The following TXNRD1 variants were observed in gnomAD, a reference collection of about 807,000 sequenced individuals.
The protein encoded by TXNRD1 is thioredoxin reductase 1.
A neutral mutation model predicts 80.3 loss-of-function variants in TXNRD1; 57 were observed. The observed-to-expected ratio is 0.71, with a 90% CI of 0.57 to 0.89. TXNRD1 has a LOEUF of 0.89. TXNRD1 is among the 40% of genes least tolerant of loss of function. TXNRD1 has a pLI of 0.00. For missense variants in TXNRD1, 730 were observed against 803.0 expected (o/e 0.91, Z 1.10); for synonymous variants, 291 against 285.2 (o/e 1.02, Z -0.20).
intron 3 of TXNRD1, among the ~76,000 whole-genome samples, chr12:104,262,803 C>A (rs148409917): frequency 6.6e-6 from 1 of 150,726 alleles, no homozygotes; most frequent in Non-Finnish European, 1.5e-5. Flanking sequence ...TTTTTCCCAG[C>A]AAATTCCTTT....
chr12:104,300,890 C>G (rs2034599465), intron 4 of TXNRD1, among the ~76,000 whole-genome samples: 1 of 152,146 alleles, frequency 6.6e-6, no homozygotes, highest in Admixed American at 6.5e-5. Context: ...AGGTGAGCCA[C>G]CCACCTCGGC....
At chr12:104,323,788 G>A (rs2035648505) in intron 10 of TXNRD1, among the ~76,000 whole-genome samples, 1 of 139,932 alleles carries the variant, frequency 7.1e-6, no homozygotes, top group Non-Finnish European at 1.6e-5. Flanking sequence ...CGGACGGGGC[G>A]GCTGGCCGGG....
intron 1 of TXNRD1, among the ~76,000 whole-genome samples, chr12:104,242,752 C>CTA (rs1451571338): frequency 6.6e-6 from 1 of 152,138 alleles, no homozygotes; most frequent in African/African-American, 2.4e-5. Flanking sequence ...TAAACCAAGA[C>CTA]TAACCCCCAC....
chr12:104,238,845 GTTTTC>G (rs2032795839), intron 1 of TXNRD1, among the ~76,000 whole-genome samples: 1 of 146,986 alleles, frequency 6.8e-6, no homozygotes, highest in Non-Finnish European at 1.5e-5. Flanking sequence ...TTGGTCTGTG[GTTTTC>G]TTTTCTTTTT....
At chr12:104,259,258 G>C (rs1174850631) in intron 3 of TXNRD1, among the ~76,000 whole-genome samples, 1 of 150,996 alleles carries the variant, frequency 6.6e-6, no homozygotes, top group East Asian at 2.0e-4. Flanking sequence ...GTGTGCACCT[G>C]TAGTCCCAGC....
chr12:104,266,886 C>T (rs569625584), intron 3 of TXNRD1, among the ~76,000 whole-genome samples: 1 of 152,048 alleles, frequency 6.6e-6, no homozygotes, highest in Non-Finnish European at 1.5e-5. Flanking sequence ...GGTGTGAACC[C>T]GGGAGGCGGA....
chr12:104,243,477 CA>C (rs1344414908), intron 1 of TXNRD1, among the ~76,000 whole-genome samples: 1 of 152,092 alleles, frequency 6.6e-6, no homozygotes, highest in Non-Finnish European at 1.5e-5. Context: ...TTGTCAGACC[CA>C]AGAGTAATAT....
At chr12:104,335,563 G>GT (rs923237166) in intron 15 of TXNRD1, among the ~76,000 whole-genome samples, 6 of 152,018 alleles carry the variant, frequency 3.9e-5, no homozygotes, top group South Asian at 2.1e-4. Flanking sequence ...ACCTCACAGG[G>GT]TTTTTTTCCA....
At chr12:104,324,587 T>C (rs762139453) in intron 10 of TXNRD1, among the ~76,000 whole-genome samples, 1 of 151,800 alleles carries the variant, frequency 6.6e-6, no homozygotes, top group African/African-American at 2.4e-5. Flanking sequence ...CCTGACCTCA[T>C]GATCCTCCCG....
intron 16 of TXNRD1, among the ~76,000 whole-genome samples, chr12:104,344,051 C>T (rs2036413281): frequency 2.6e-5 from 4 of 151,876 alleles, no homozygotes; most frequent in Admixed American, 1.3e-4. Flanking sequence ...TTCAGTGAGC[C>T]GAGATCACGA....
intron 15 of TXNRD1, among the ~76,000 whole-genome samples, 166 bp from the exon 16 acceptor site, chr12:104,338,973 C>T (rs2036235595): frequency 6.6e-6 from 1 of 152,122 alleles, no homozygotes; most frequent in Non-Finnish European, 1.5e-5. Context: ...GCCTCGGCCT[C>T]CCAAAGTGCT....
At chr12:104,338,711 A>T (rs2036225580) in intron 15 of TXNRD1, among the ~76,000 whole-genome samples, 1 of 151,574 alleles carries the variant, frequency 6.6e-6, no homozygotes. Flanking sequence ...AAAAAAAAAA[A>T]GTCTCTGGTC....
At chr12:104,331,405 T>C (rs1565909355) in intron 13 of TXNRD1, 129 bp from the exon 14 acceptor site, 1 of 551,260 alleles carries the variant, frequency 1.8e-6, no homozygotes, top group Non-Finnish European at 3.3e-6. Flanking sequence ...TATCTCGGAT[T>C]GAGACTTCAC....
intron 3 of TXNRD1, among the ~76,000 whole-genome samples, chr12:104,268,006 C>T (rs1244329998): frequency 3.0e-4 from 46 of 151,310 alleles, no homozygotes; most frequent in African/African-American, 1.1e-3. Context: ...CCTGCCACCA[C>T]GCCAGGCTAA....
At chr12:104,254,644 A>AAAAAAATATATATATATATATAT in intron 2 of TXNRD1, among the ~76,000 whole-genome samples, 2 of 93,638 alleles carry the variant, frequency 2.1e-5, no homozygotes, top group Admixed American at 1.3e-4. Context: ...AAAAAAAAAA[A>AAAAAAATATATATATATATATAT]ATATATATAT....
In TXNRD1 at chr12:104,319,603, G is replaced by A. The variant is rs779984760; in HGVS notation, c.989+18G>A. The A allele has an allele frequency of 1.9e-6, 3 of 1,544,760 alleles. No homozygotes were observed. Among genetic ancestry groups the A allele is most frequent in the South Asian group, 1.2e-5 (1 of 83,654 alleles). Reference sequence around the variant, plus strand: ...ATCAGCAGGTAAAGGAAAAAAGCAGGGTGGAAAAGAAAAACCCATTGTGGA... The same window carrying A: ...ATCAGCAGGTAAAGGAAAAAAGCAGAGTGGAAAAGAAAAACCCATTGTGGA... On this transcript the variant is annotated intron_variant, in intron 9 of 16. Transcript: ENST00000525566.
At chr12:104,225,575 A>G (rs1293788473) in intron 1 of TXNRD1, among the ~76,000 whole-genome samples, 1 of 152,154 alleles carries the variant, frequency 6.6e-6, no homozygotes, top group Non-Finnish European at 1.5e-5. Flanking sequence ...CTCATGAGAT[A>G]TGATGGTTTT....
chr12:104,299,324 C>T (rs1448115011), intron 4 of TXNRD1, among the ~76,000 whole-genome samples: 1 of 151,804 alleles, frequency 6.6e-6, no homozygotes, highest in Non-Finnish European at 1.5e-5. Flanking sequence ...GAACCCAGAT[C>T]GTCCCCTCCC....
At chr12:104,224,238 G>A (rs957275949) in intron 1 of TXNRD1, among the ~76,000 whole-genome samples, 3 of 152,096 alleles carry the variant, frequency 2.0e-5, no homozygotes, top group African/African-American at 7.2e-5. Flanking sequence ...TCAAGACCCA[G>A]TCCAAATGAC....
Sources: allele counts gnomAD v4.1 joint callset (sites outside exome capture counted in the v4.1 genomes callset), GRCh38; gene constraint gnomAD v4.1.1; transcripts MANE v1.5; gene names NCBI Gene and HGNC (gene_info 2026-07-23, HGNC 2026-07-21).